The following PLEKHA6 variants were observed in gnomAD, a reference collection of about 807,000 sequenced individuals.
PLEKHA6 encodes the protein pleckstrin homology domain containing A6.
A neutral mutation model predicts 116.7 loss-of-function variants in PLEKHA6; 60 were observed. That is an observed-to-expected ratio of 0.51 (90% CI 0.42 to 0.64). PLEKHA6 has a LOEUF of 0.64. PLEKHA6 is among the 30% of genes least tolerant of loss of function. The pLI, the probability that PLEKHA6 is intolerant of heterozygous loss-of-function variation, is 0.00. For missense variants in PLEKHA6, 1,338 were observed against 1,422.7 expected, an observed-to-expected ratio of 0.94 and a Z score of 0.96; for synonymous variants, 489 against 556.1, an observed-to-expected ratio of 0.88 and a Z score of 1.70.
chr1:204,336,564 G>T (rs769787216), intron 1 of PLEKHA6, among the ~76,000 whole-genome samples: 1 of 97,750 alleles, frequency 1.0e-5, no homozygotes, highest in Non-Finnish European at 2.0e-5. Flanking sequence ...GTGTGTGAGC[G>T]TGTGTGTGTG....
At chr1:204,370,735 G>A (rs1458621754) in intron 2 of PLEKHA6, among the ~76,000 whole-genome samples, 1 of 152,052 alleles carries the variant, frequency 6.6e-6, no homozygotes, top group Non-Finnish European at 1.5e-5. Context: ...AGCTACATGG[G>A]GCCATTTACA....
chr1:204,242,985 G>T lies in PLEKHA6; in HGVS notation c.2173-1171C>A, dbSNP rs533985625. On this transcript the variant is annotated intron_variant, in intron 15 of 22. Transcript: ENST00000272203. ...TATCCCAGAGTCCAGCTGGGCAGGGGTGCCGTAGAAACCGACCTTTGGGAA... is the reference window on the plus strand; with the variant it reads ...TATCCCAGAGTCCAGCTGGGCAGGGTTGCCGTAGAAACCGACCTTTGGGAA... 645 of 398,554 alleles carry T rather than the reference G, an allele frequency of 1.6e-3. 2 individuals are homozygous for T. The highest frequency in any genetic ancestry group is 6.9e-3 in the Middle Eastern group (11 of 1,590). The allele number at this position is 398,554 out of a possible 1,614,324, so 24.7% of individuals were successfully genotyped here. A position where few individuals can be genotyped will look rare whatever the true frequency, so the allele number is the denominator to read the frequency against.
Position 204,271,896 on chromosome 1 carries a change from C to CT in PLEKHA6, c.102+1729dup, listed in dbSNP as rs890814880. ...TTCCCAAACCTGTATCACGTATTTT[C>CT]TTTTTTTTTATTATTATTATACTTA... On this transcript the variant is annotated intron_variant, in intron 3 of 22. Transcript: ENST00000272203. 5.9e-5 allele frequency among the ~76,000 whole-genome samples: 9 copies of CT among 151,394 alleles called. No homozygotes were observed. In the East Asian group the frequency reaches 1.0e-3, roughly 17 times the overall value.
chr1:204,240,164 G>A (rs780510673), intron 17 of PLEKHA6, among the ~76,000 whole-genome samples: 5 of 152,162 alleles, frequency 3.3e-5, no homozygotes, highest in African/African-American at 7.2e-5. Context: ...GAATATGCAT[G>A]GAATACAGGA....
chr1:204,254,171 C>T (rs1325122973), intron 9 of PLEKHA6, among the ~76,000 whole-genome samples: 6 of 152,216 alleles, frequency 3.9e-5, no homozygotes, highest in African/African-American at 1.4e-4. Context: ...CTGGACCTCC[C>T]GGCCCTGCTC....
chr1:204,225,699 C>T lies in PLEKHA6; in HGVS notation c.3032-2114G>A, dbSNP rs184312786. On this transcript the variant is annotated intron_variant, in intron 21 of 22. Transcript: ENST00000272203. Reference sequence around the variant, plus strand: ...GTACATTTATGCTCCAACACCTTACCATATACCACCTGGATTCATAAATAA... The same window carrying T: ...GTACATTTATGCTCCAACACCTTACTATATACCACCTGGATTCATAAATAA... 3.4e-3 allele frequency among the ~76,000 whole-genome samples: 519 copies of T among 152,308 alleles called. 6 individuals are homozygous for T. Among genetic ancestry groups the T allele is most frequent in the African/African-American group, 0.012 (494 of 41,572 alleles).
At chr1:204,284,726 G>T (rs1315913586) in intron 1 of PLEKHA6, among the ~76,000 whole-genome samples, 1 of 152,094 alleles carries the variant, frequency 6.6e-6, no homozygotes, top group Non-Finnish European at 1.5e-5. Flanking sequence ...ACAGCGTGTG[G>T]ATTGTCCTTA....
In PLEKHA6 at chr1:204,228,201, C is replaced by A. The variant is rs1344850968; in HGVS notation, c.2913G>T (p.Glu971Asp). 1.2e-6 allele frequency: 2 copies of A among 1,610,402 alleles called. No homozygotes were observed. The highest frequency in any genetic ancestry group is 3.3e-5 in the Admixed American group (2 of 59,748). ...SSMQNVVPIG[E>D]GDSVDVPQDS... ...CCTGGGGCACGTCCACAGAGTCCCC[C>A]TCGCCGATGGGCACCACGTTCTGCA... Residue 971 changes from glutamate to aspartate, a missense_variant, in exon 21 of 23, where the codon GAG becomes GAT. Around this residue, in one of 3 missense-constraint regions of PLEKHA6, gnomAD observed 1,136 missense variants for 1,163.6 expected, o/e 0.98. Coordinates refer to ENST00000272203, the MANE Select transcript of PLEKHA6 (RefSeq NM_014935.5). The surrounding 1 kb of genome is among the most constrained non-coding windows in gnomAD (Gnocchi z 4.0).
chr1:204,259,534 T>C lies in PLEKHA6; in HGVS notation c.731A>G (p.Glu244Gly). ...VKANGLPAGPEPASEPGSPYP... is the reference protein window; with the variant it reads ...VKANGLPAGPGPASEPGSPYP... The stretch of plus-strand genomic sequence containing the variant: ...AGGGCTGCCCGGCTCTGAGGCTGGC[T>C]CCGGTCCAGCTGGGAGGCCATTGGC... Residue 244 changes from glutamate to glycine, a missense_variant, in exon 8 of 23, where the codon GAG becomes GGG. By Grantham distance (98) the Glu-to-Gly change is moderately conservative (BLOSUM62 -2). Coordinates refer to ENST00000272203, the MANE Select transcript of PLEKHA6 (RefSeq NM_014935.5). This position sits in a 1 kb window ranked among gnomAD's most constrained non-coding sequence, Gnocchi z 4.6. The C allele has an allele frequency of 6.2e-7, 1 of 1,614,068 alleles. No homozygotes were observed. Among genetic ancestry groups the C allele is most frequent in the Non-Finnish European group, 8.5e-7 (1 of 1,179,994 alleles).
chr1:204,234,832 C>A lies in PLEKHA6; in HGVS notation c.2410-4246G>T, dbSNP rs542225839. 5.3e-5 allele frequency among the ~76,000 whole-genome samples: 8 copies of A among 151,494 alleles called. No homozygotes were observed. In the East Asian group the frequency reaches 1.4e-3, roughly 26 times the overall value. Reference sequence around the variant, plus strand: ...TCCTGTGCTGGATGCTTCCTGCCCTCGAACATCAAACTGAAGTTCTTCAGT... The same window carrying A: ...TCCTGTGCTGGATGCTTCCTGCCCTAGAACATCAAACTGAAGTTCTTCAGT... On this transcript the variant is annotated intron_variant, in intron 17 of 22. Coordinates refer to ENST00000272203, the MANE Select transcript of PLEKHA6 (RefSeq NM_014935.5).
rs539965961 is a variant in PLEKHA6 at position 204,228,298 on chromosome 1, G to A, written c.2886-70C>T. 1.2e-4 allele frequency: 175 copies of A among 1,471,584 alleles called. 3 individuals are homozygous for A. In the South Asian group the frequency reaches 2.1e-3, roughly 18 times the overall value. The allele number at this position is 1,471,584 out of a possible 1,614,324, so 91.2% of individuals were successfully genotyped here. On this transcript the variant is annotated intron_variant, in intron 20 of 22. Coordinates refer to ENST00000272203, the MANE Select transcript of PLEKHA6 (RefSeq NM_014935.5). The surrounding 1 kb of genome is among the most constrained non-coding windows in gnomAD (Gnocchi z 4.0). The stretch of plus-strand genomic sequence containing the variant: ...GTCCAAGTGGCTTGAGGGGGCCTGC[G>A]GACTGAGGTTGGCAGGGAGGGCCAG...
intron 17 of PLEKHA6, among the ~76,000 whole-genome samples, 166 bp from the exon 18 acceptor site, chr1:204,230,752 T>C (rs1661073935): frequency 6.6e-6 from 1 of 152,140 alleles, no homozygotes; most frequent in Admixed American, 6.5e-5. Flanking sequence ...TCTGAGAGTG[T>C]AACCTTATTT....
At chr1:204,233,034 C>T (rs1174228608) in intron 17 of PLEKHA6, among the ~76,000 whole-genome samples, 3 of 152,092 alleles carry the variant, frequency 2.0e-5, no homozygotes, top group Non-Finnish European at 2.9e-5. Flanking sequence ...AACTTCTGGG[C>T]TCAAATGGTC....
intron 1 of PLEKHA6, among the ~76,000 whole-genome samples, chr1:204,338,678 T>C (rs979201391): frequency 6.6e-6 from 1 of 152,172 alleles, no homozygotes; most frequent in African/African-American, 2.4e-5. Flanking sequence ...CAGGGAGACT[T>C]GTGGCTCCTG....
intron 1 of PLEKHA6, among the ~76,000 whole-genome samples, chr1:204,372,256 C>T (rs1317593120): frequency 3.3e-5 from 5 of 152,216 alleles, no homozygotes; most frequent in Non-Finnish European, 7.3e-5. Flanking sequence ...AGATTCAGAC[C>T]TAGATCTGTC....
intron 1 of PLEKHA6, among the ~76,000 whole-genome samples, chr1:204,333,955 T>A (rs1345790195): frequency 1.3e-5 from 2 of 152,206 alleles, no homozygotes; most frequent in African/African-American, 4.8e-5. Context: ...TTTAAAATGG[T>A]AAGGTCCCTC....
intron 17 of PLEKHA6, among the ~76,000 whole-genome samples, chr1:204,233,127 C>T (rs1455830848): frequency 2.0e-5 from 3 of 151,584 alleles, no homozygotes; most frequent in African/African-American, 7.3e-5. Flanking sequence ...TATGCTTGTC[C>T]TCCACCATTG....
rs10549 is a variant in PLEKHA6 at position 204,221,288 on chromosome 1, G to A, written c.*1500C>T. ...TGTCCCAGCCATGAAGGAGTGCAGAGGAATTAGTAGGTGTTCTTGGGACCG... is the reference window on the plus strand; with the variant it reads ...TGTCCCAGCCATGAAGGAGTGCAGAAGAATTAGTAGGTGTTCTTGGGACCG... On this transcript the variant is annotated 3_prime_UTR_variant, in exon 23 of 23. Coordinates refer to ENST00000272203, the MANE Select transcript of PLEKHA6 (RefSeq NM_014935.5). The A allele has an allele frequency of 0.11, 16,706 of 152,654 alleles. 1,172 individuals carry two copies. The highest frequency in any genetic ancestry group is 0.19 in the African/African-American group (7,787 of 41,488). 9.5% of individuals were successfully genotyped at this position (152,654 alleles called of 1,614,324 possible).
At chr1:204,245,177 G>A (rs576719319) in intron 14 of PLEKHA6, among the ~76,000 whole-genome samples, 174 bp from the exon 15 acceptor site, 83 of 152,264 alleles carry the variant, frequency 5.5e-4, no homozygotes, top group African/African-American at 1.6e-3. Context: ...AGGTTCTGGG[G>A]CCACAGGCTG....
Sources: allele counts gnomAD v4.1 joint callset (sites outside exome capture counted in the v4.1 genomes callset), GRCh38; gene constraint gnomAD v4.1.1; regional missense constraint gnomAD v4.1.1; non-coding constraint Gnocchi (gnomAD v3.1); transcripts MANE v1.5; gene names NCBI Gene and HGNC (gene_info 2026-07-23, HGNC 2026-07-21).